LATS2: variants seen among roughly 807,000 people sequenced by gnomAD.
LATS2 encodes large tumor suppressor kinase 2.
LATS2 carries 24 observed loss-of-function variants against 76.0 expected under a neutral mutation model. That is an observed-to-expected ratio of 0.32 (90% CI 0.23 to 0.44). LATS2 has a LOEUF of 0.44. Ranked by LOEUF, LATS2 falls within the 20% of genes least tolerant of loss-of-function variation. The pLI is 1.00. For synonymous variants in LATS2, 692 were observed against 635.4 expected, an observed-to-expected ratio of 1.09 and a Z score of -1.34; for missense variants, 1,286 against 1,481.2, an observed-to-expected ratio of 0.87 and a Z score of 2.16.
intron 1 of LATS2, among the ~76,000 whole-genome samples, chr13:21,060,842 C>A (rs1372006115): frequency 7.3e-5 from 11 of 151,450 alleles, no homozygotes; most frequent in Non-Finnish European, 1.6e-4. Context: ...CGTGGGACCG[C>A]TGCGCCGCCG....
In LATS2 at chr13:20,990,429, C is replaced by A. The variant is rs905934199; in HGVS notation, c.475+843G>T. On this transcript the variant is annotated intron_variant, in intron 3 of 7. Coordinates refer to ENST00000382592, the MANE Select transcript of LATS2 (RefSeq NM_014572.3). Reference sequence around the variant, plus strand: ...AGTAGGTTTTATCCAAGGTCTTCCACAAAATAGGGAAAACTCTTGCTAATT... The same window carrying A: ...AGTAGGTTTTATCCAAGGTCTTCCAAAAAATAGGGAAAACTCTTGCTAATT... 5.0e-5 allele frequency among the ~76,000 whole-genome samples: 7 copies of A among 139,138 alleles called. No individual in the cohort carries two copies. The South Asian group carries it at 1.4e-3, about 28-fold the overall frequency. The allele number at this position is 139,138 out of a possible 152,430, so 91.3% of individuals were successfully genotyped here. A position where few individuals can be genotyped will look rare whatever the true frequency, so the allele number is the denominator to read the frequency against.
At chr13:21,002,868 A>T (rs558338359) in intron 2 of LATS2, among the ~76,000 whole-genome samples, 1 of 151,668 alleles carries the variant, frequency 6.6e-6, no homozygotes, top group Non-Finnish European at 1.5e-5. Flanking sequence ...TTATTCTTTA[A>T]TTTCTTTTTC....
Position 20,974,811 on chromosome 13 carries a change from C to A in LATS2, c.*59G>T, listed in dbSNP as rs1320757603. On this transcript the variant is annotated 3_prime_UTR_variant, in exon 8 of 8. Transcript: ENST00000382592. ...CGGCTTCCCTATTGGCCTGTGAGGG[C>A]ACCGGCTCCGGGACCCTGACCTGGG... is the stretch of plus-strand genomic sequence containing the variant. 7 of 1,533,426 alleles carry A rather than the reference C, an allele frequency of 4.6e-6. No homozygotes were observed. The Admixed American group carries it at 8.2e-5, about 18-fold the overall frequency. The allele number at this position is 1,533,426 out of a possible 1,614,324, so 95.0% of individuals were successfully genotyped here. A position where few individuals can be genotyped will look rare whatever the true frequency, so the allele number is the denominator to read the frequency against.
chr13:20,989,752 T>C (rs984089543), intron 3 of LATS2, among the ~76,000 whole-genome samples: 2 of 152,252 alleles, frequency 1.3e-5, no homozygotes, highest in Non-Finnish European at 1.5e-5. Flanking sequence ...AGGGCAGAAC[T>C]GTATCCACTG....
intron 1 of LATS2, among the ~76,000 whole-genome samples, chr13:21,056,276 T>A (rs145384605): frequency 6.6e-6 from 1 of 152,020 alleles, no homozygotes; most frequent in South Asian, 2.1e-4. Flanking sequence ...TGGACTCAAG[T>A]GATCCCCCCG....
At chr13:21,031,160 A>C (rs776391625) in intron 2 of LATS2, among the ~76,000 whole-genome samples, 1 of 152,288 alleles carries the variant, frequency 6.6e-6, no homozygotes, top group South Asian at 2.1e-4. Context: ...TCATTAGCTT[A>C]AATATGATAG....
In LATS2 at chr13:20,988,034, T is replaced by C; in HGVS notation, c.1746A>G (p.Lys582=). 6.2e-7 allele frequency: 1 copy of C among 1,614,254 alleles called. No homozygotes were observed. Among genetic ancestry groups the C allele is most frequent in the Non-Finnish European group, 8.5e-7 (1 of 1,180,046 alleles). Residue 582 remains lysine (K), a synonymous_variant, in exon 4 of 8, where the codon AAA becomes AAG. Coordinates refer to ENST00000382592, the MANE Select transcript of LATS2 (RefSeq NM_014572.3). ...QIQTSPVPVR[K]NSRDEEKRES... ...CTCTCTTCTCTTCGTCTCTGCTGTT[T>C]TTGCGGACGGGAACGGGAGAGGTCT... is the stretch of plus-strand genomic sequence containing the variant.
chr13:21,019,298 GTTATTATTATTATTATTATTATTA>G (rs72479904), intron 2 of LATS2, among the ~76,000 whole-genome samples: 4 of 144,572 alleles, frequency 2.8e-5, no homozygotes, highest in South Asian at 2.2e-4. Flanking sequence ...ACTTGGATTT[GTTATTATTATTATTATTATTATTA>G]TTATTATTAT....
At chr13:20,977,309 C>A (rs990097091) in intron 7 of LATS2, among the ~76,000 whole-genome samples, 2 of 151,558 alleles carry the variant, frequency 1.3e-5, no homozygotes, top group African/African-American at 4.9e-5. Context: ...GCATGAGAAC[C>A]CGGAAGGCAG....
intron 2 of LATS2, among the ~76,000 whole-genome samples, chr13:20,994,236 G>A (rs1030168416): frequency 7.9e-5 from 12 of 152,136 alleles, no homozygotes; most frequent in African/African-American, 2.4e-4. Context: ...CTCATGAGCC[G>A]GCTTGTTTAT....
At chr13:21,023,385 T>C (rs756716690) in intron 2 of LATS2, among the ~76,000 whole-genome samples, 4 of 151,808 alleles carry the variant, frequency 2.6e-5, no homozygotes, top group Admixed American at 6.6e-5. Flanking sequence ...GTGTGAAAGC[T>C]CTTGGTTCTT....
At chr13:20,999,466 A>ACTTTTT (rs773037587) in intron 2 of LATS2, among the ~76,000 whole-genome samples, 105 of 151,816 alleles carry the variant, frequency 6.9e-4, no homozygotes, top group Non-Finnish European at 1.1e-3. Flanking sequence ...AGAAGCGAGC[A>ACTTTTT]CTTTTTCTTT....
intron 2 of LATS2, among the ~76,000 whole-genome samples, chr13:21,014,035 G>A (rs945739007): frequency 2.0e-5 from 3 of 151,372 alleles, no homozygotes; most frequent in African/African-American, 7.3e-5. Context: ...AAGAGGAGGA[G>A]GAGGAAGAAG....
intron 1 of LATS2, among the ~76,000 whole-genome samples, chr13:21,047,388 T>C (rs773717069): frequency 6.6e-5 from 10 of 152,090 alleles, no homozygotes; most frequent in Non-Finnish European, 1.0e-4. Context: ...CTTCACCCCG[T>C]GATGAATGTT....
At chr13:21,052,722 A>G (rs1466405798) in intron 1 of LATS2, among the ~76,000 whole-genome samples, 1 of 152,198 alleles carries the variant, frequency 6.6e-6, no homozygotes, top group Admixed American at 6.5e-5. Context: ...TTTTAACTGT[A>G]AAGACAGAAA....
Position 20,991,357 on chromosome 13 carries a change from C to T in LATS2, c.390G>A (p.Glu130=), listed in dbSNP as rs1434902680. ...TCTTGCTGATGTACTCCAGGGCGGC[C>T]TCGATGCTCCTGCTGCCAGTCTGCT... is the stretch of plus-strand genomic sequence containing the variant. ...ALKQTGSRSI[E]AALEYISKMG... The change falls in exon 3 of 8, where the codon GAG becomes GAA. Residue 130 remains glutamate, a synonymous_variant. Coordinates refer to ENST00000382592, the MANE Select transcript of LATS2 (RefSeq NM_014572.3). This position sits in a 1 kb window ranked among gnomAD's most constrained non-coding sequence, Gnocchi z 4.9. 8 of 1,614,036 alleles carry T rather than the reference C, an allele frequency of 5.0e-6. No individual in the cohort carries two copies. In the South Asian group the frequency reaches 7.7e-5, roughly 16 times the overall value.
intron 2 of LATS2, among the ~76,000 whole-genome samples, chr13:21,027,730 G>A (rs1378615100): frequency 6.6e-6 from 1 of 151,882 alleles, no homozygotes; most frequent in African/African-American, 2.4e-5. Context: ...CATTGCTTTT[G>A]CTATTCTAGG....
chr13:21,050,420 A>T (rs1595258206), intron 1 of LATS2, among the ~76,000 whole-genome samples: 1 of 152,226 alleles, frequency 6.6e-6, no homozygotes, highest in African/African-American at 2.4e-5. Context: ...AACACCAAGG[A>T]TTAGTCTGAC....
chr13:21,050,094 T>C (rs149709453), intron 1 of LATS2, among the ~76,000 whole-genome samples: 977 of 92,488 alleles, frequency 0.011, 8 homozygotes, highest in Middle Eastern at 0.037. Flanking sequence ...CACTCCAGCC[T>C]AGGCGACAGA....
Sources: allele counts gnomAD v4.1 joint callset (sites outside exome capture counted in the v4.1 genomes callset), GRCh38; gene constraint gnomAD v4.1.1; non-coding constraint Gnocchi (gnomAD v3.1); transcripts MANE v1.5; gene names NCBI Gene and HGNC (gene_info 2026-07-23, HGNC 2026-07-21).